The following IL36RN variants were observed in gnomAD, a reference collection of about 807,000 sequenced individuals.
IL36RN encodes the protein interleukin-36 receptor antagonist protein.
IL36RN carries 11 observed loss-of-function variants against 13.0 expected under a neutral mutation model. The ratio of observed to expected loss-of-function variants is 0.85; its 90% CI spans 0.53 to 1.40. The LOEUF is 1.40. Among genes scored for constraint, IL36RN ranks in the 40% most tolerant of loss-of-function variants. The probability of loss-of-function intolerance (pLI) is 0.00; values close to 1 mark genes in which losing one functional copy is unlikely to be tolerated. For missense variants in IL36RN, 195 were observed against 195.3 expected, an observed-to-expected ratio of 1.00 and a Z score of 0.01; for synonymous variants, 94 against 84.1, an observed-to-expected ratio of 1.12 and a Z score of -0.64.
At position 113,063,041 on chromosome 2, in the gene IL36RN, G is replaced by A; in HGVS notation, c.*364G>A. On this transcript the variant is annotated 3_prime_UTR_variant, in exon 5 of 5. Transcript: ENST00000393200. ...AGCCCCGCAGGCCAACCCATCCCCAGTTGAGCCTTATAGGGTCAGTAGCTC... is the reference window on the plus strand; with the variant it reads ...AGCCCCGCAGGCCAACCCATCCCCAATTGAGCCTTATAGGGTCAGTAGCTC... The A allele has an allele frequency of 2.7e-6, 1 of 365,674 alleles. No homozygotes were observed. The highest frequency in any genetic ancestry group is 5.3e-6 in the Non-Finnish European group (1 of 187,774). 22.7% of individuals were successfully genotyped at this position (365,674 alleles called of 1,614,324 possible).
rs1336671324 is a variant in IL36RN, at chr2:113,062,443, C to A, written c.244-10C>A. The A allele has an allele frequency of 1.9e-6, 3 of 1,613,912 alleles. No homozygotes were observed. The Admixed American group carries it at 5.0e-5, about 27-fold the overall frequency. ...CTGCCCTCACCTGACCTCCCCTCCT[C>A]TGCCGGCAGCCAGTGAACATCATGG... On this transcript the variant is annotated splice_polypyrimidine_tract_variant and intron_variant, in intron 4 of 4. Transcript: ENST00000393200.
Position 113,062,794 on chromosome 2 carries a change from T to A in IL36RN, c.*117T>A, listed in dbSNP as rs1377464629. The A allele has an allele frequency of 3.3e-6, 3 of 912,876 alleles. No homozygotes were observed. Among genetic ancestry groups the A allele is most frequent in the Admixed American group, 4.0e-5 (2 of 50,204 alleles). 56.5% of individuals were successfully genotyped at this position (912,876 alleles called of 1,614,324 possible). A position where few individuals can be genotyped will look rare whatever the true frequency, so the allele number is the denominator to read the frequency against. ...CTCAGGACCCCCACGTCTGACTTAG[T>A]GGGCACCTGACCACTTTGTCTTCTG... On this transcript the variant is annotated 3_prime_UTR_variant, in exon 5 of 5. Coordinates refer to ENST00000393200, the MANE Select transcript of IL36RN (RefSeq NM_012275.3).
At chr2:113,060,178 T>C (rs2441376) in intron 2 of IL36RN, among the ~76,000 whole-genome samples, 104,155 of 151,686 alleles carry the variant, frequency 0.69, 36,532 homozygotes, top group East Asian at 0.93. Flanking sequence ...CTTGTTGAAT[T>C]GTATTTAGCC....
chr2:113,062,313 G>A, intron 4 of IL36RN, 62 bp downstream of exon 4: 1 of 1,610,694 alleles, frequency 6.2e-7, no homozygotes, highest in Non-Finnish European at 8.5e-7. Flanking sequence ...CTGAAGCCGG[G>A]CAGCCCACAG....
chr2:113,061,873 G>A (rs6761605), intron 3 of IL36RN, among the ~76,000 whole-genome samples: 11,692 of 152,134 alleles, frequency 0.077, 1,195 homozygotes, highest in African/African-American at 0.22. Flanking sequence ...TCTATTTTGG[G>A]GTGTAGAGGC....
rs1685675175 is a variant in IL36RN at position 113,063,029 on chromosome 2, A to C, written c.*352A>C. ...AGTGTTACCCTGAGCCCCGCAGGCC[A>C]ACCCATCCCCAGTTGAGCCTTATAG... On this transcript the variant is annotated 3_prime_UTR_variant, in exon 5 of 5. Coordinates refer to ENST00000393200, the MANE Select transcript of IL36RN (RefSeq NM_012275.3). 2.7e-6 allele frequency: 1 copy of C among 370,580 alleles called. No homozygotes were observed. The highest frequency in any genetic ancestry group is 5.2e-6 in the Non-Finnish European group (1 of 191,090). The allele number at this position is 370,580 out of a possible 1,614,324, so 23.0% of individuals were successfully genotyped here.
At chr2:113,059,178 T>G, upstream of IL36RN, 1 of 559,824 alleles carries the variant, frequency 1.8e-6, no homozygotes. Flanking sequence ...CTTAAAAGGC[T>G]GAGGCATCCT....
At position 113,062,725 on chromosome 2, in the gene IL36RN, G is replaced by A; in HGVS notation, c.*48G>A. 2.6e-6 allele frequency: 4 copies of A among 1,532,280 alleles called. No individual in the cohort carries two copies. The highest frequency in any genetic ancestry group is 3.6e-6 in the Non-Finnish European group (4 of 1,121,976). The allele number at this position is 1,532,280 out of a possible 1,614,324, so 94.9% of individuals were successfully genotyped here. On this transcript the variant is annotated 3_prime_UTR_variant, in exon 5 of 5. Transcript: ENST00000393200. ...CCTGGGCAGAGCCAGCTCGGGTGAG[G>A]GGTGAGTGGAGGAGACCCATGGCGG...
Position 113,059,407 on chromosome 2 carries a change from A to G in IL36RN, c.-27-5A>G. On this transcript the variant is annotated splice_polypyrimidine_tract_variant and splice_region_variant and intron_variant, in intron 1 of 4. Coordinates refer to ENST00000393200, the MANE Select transcript of IL36RN (RefSeq NM_012275.3). The stretch of plus-strand genomic sequence containing the variant: ...CATGATTTTCTGTTGTTTATTCCAA[A>G]ATAGGGGAGTCTACACCCTGTGGAG... 6.2e-7 allele frequency: 1 copy of G among 1,613,544 alleles called. No homozygotes were observed. The highest frequency in any genetic ancestry group is 1.7e-4 in the Middle Eastern group (1 of 5,888).
At position 113,062,543 on chromosome 2, in the gene IL36RN, G is replaced by A. The variant is rs143724424; in HGVS notation, c.334G>A (p.Glu112Lys). The stretch of plus-strand genomic sequence containing the variant: ...GGACATGGGGCTCACCTCCAGCTTC[G>A]AGTCGGCTGCCTACCCGGGCTGGTT... ...RRDMGLTSSF[E>K]SAAYPGWFLC... Residue 112 changes from glutamate to lysine, a missense_variant, in exon 5 of 5, where the codon GAG becomes AAG. Transcript: ENST00000393200. 16 of 1,613,880 alleles carry A rather than the reference G, an allele frequency of 9.9e-6. No homozygotes were observed. The highest frequency in any genetic ancestry group is 4.0e-5 in the African/African-American group (3 of 74,880).
intron 2 of IL36RN, among the ~76,000 whole-genome samples, 176 bp from the exon 3 acceptor site, chr2:113,060,676 C>G (rs1685623646): frequency 6.6e-6 from 1 of 152,188 alleles, no homozygotes; most frequent in African/African-American, 2.4e-5. Flanking sequence ...TGGGGTCATC[C>G]TCCTTGTAGG....
At position 113,062,981 on chromosome 2, in the gene IL36RN, T is replaced by C; in HGVS notation, c.*304T>C. The C allele has an allele frequency of 2.5e-6, 1 of 405,852 alleles. No homozygotes were observed. The highest frequency in any genetic ancestry group is 4.7e-6 in the Non-Finnish European group (1 of 213,826). The allele number at this position is 405,852 out of a possible 1,614,324, so 25.1% of individuals were successfully genotyped here. On this transcript the variant is annotated 3_prime_UTR_variant, in exon 5 of 5. Transcript: ENST00000393200. ...TGGGGTGGGGGAGTGGTGGGAATCA[T>C]TCCTGCTTAATGGTAACTGACCAGT...
rs747464195 is a variant in IL36RN at position 113,062,625 on chromosome 2, ATGGTGGC to A, written c.420_426del (p.Gly141MetfsTer29). On this transcript the variant is annotated frameshift_variant, in exon 5 of 5. Coordinates refer to ENST00000393200, the MANE Select transcript of IL36RN (RefSeq NM_012275.3). LOFTEE classifies it high-confidence loss of function. Reference sequence around the variant, plus strand: ...GTCAGACTCACCCAGCTTCCCGAGAATGGTGGCTGGAATGCCCCCATCACAGACTTCT... The same window carrying A: ...GTCAGACTCACCCAGCTTCCCGAGAATGGAATGCCCCCATCACAGACTTCT... 1.2e-6 allele frequency: 2 copies of A among 1,613,344 alleles called. No homozygotes were observed. The highest frequency in any genetic ancestry group is 1.7e-5 in the Admixed American group (1 of 60,014).
In IL36RN at chr2:113,063,430, C is replaced by A. The variant is rs932485101; in HGVS notation, c.*753C>A. 1 of 152,042 alleles carries A rather than the reference C, an allele frequency of 6.6e-6. No homozygotes were observed. The highest frequency in any genetic ancestry group is 1.5e-5 in the Non-Finnish European group (1 of 68,064). 9.4% of individuals were successfully genotyped at this position (152,042 alleles called of 1,614,324 possible). A position where few individuals can be genotyped will look rare whatever the true frequency, so the allele number is the denominator to read the frequency against. ...TGCAATTTATTTTAATTAAAAGATA[C>A]CTATTTATATATTTCTTTATAGAAA... On this transcript the variant is annotated 3_prime_UTR_variant, in exon 5 of 5. Transcript: ENST00000393200.
At chr2:113,059,362 G>GGA in intron 1 of IL36RN, 50 bp from the exon 2 acceptor site, 2 of 1,545,882 alleles carry the variant, frequency 1.3e-6, no homozygotes, top group Non-Finnish European at 1.8e-6. Flanking sequence ...CCAGACCCCA[G>GGA]CCAACTCAGC....
At chr2:113,059,262 G>T (rs371204306) in intron 1 of IL36RN, 21 bp downstream of exon 1, 1 of 697,656 alleles carries the variant, frequency 1.4e-6, no homozygotes, top group Middle Eastern at 3.8e-4. Context: ...GGGCGCTGGT[G>T]GTACCGGAGC....
In IL36RN at chr2:113,062,948, TGTGGAGGTGGG is replaced by T; in HGVS notation, c.*276_*286del. 3 of 474,828 alleles carry T rather than the reference TGTGGAGGTGGG, an allele frequency of 6.3e-6. No individual in the cohort carries two copies. Among genetic ancestry groups the T allele is most frequent in the South Asian group, 6.1e-5 (3 of 48,898 alleles). The allele number at this position is 474,828 out of a possible 1,614,324, so 29.4% of individuals were successfully genotyped here. ...ACTGGGAATAACATGAAAAGATTTC[TGTGGAGGTGGG>T]GTGGGGGAGTGGTGGGAATCATTCC... On this transcript the variant is annotated 3_prime_UTR_variant, in exon 5 of 5. Transcript: ENST00000393200.
chr2:113,058,907 G>A (rs557947183), upstream of IL36RN, among the ~76,000 whole-genome samples: 45 of 152,144 alleles, frequency 3.0e-4, no homozygotes, highest in South Asian at 7.5e-3. Flanking sequence ...AGAAAGTCGC[G>A]CTTCCCTTGA....
rs1685588497 is a variant in IL36RN at position 113,059,214 on chromosome 2, T to C, written c.-55T>C. On this transcript the variant is annotated 5_prime_UTR_variant, in exon 1 of 5. Transcript: ENST00000393200. ...TGGAGGAACAGGCAGACTCCACAGC[T>C]CCCGCCAGGAGAAAGGAACATTCTG... 1 of 612,272 alleles carries C rather than the reference T, an allele frequency of 1.6e-6. No individual in the cohort carries two copies. The highest frequency in any genetic ancestry group is 2.5e-5 in the Admixed American group (1 of 40,800). The allele number at this position is 612,272 out of a possible 1,614,324, so 37.9% of individuals were successfully genotyped here.
Sources: gnomAD v4.1 joint callset for allele counts (sites outside exome capture counted in the v4.1 genomes callset) on GRCh38, gnomAD v4.1.1 for gene constraint, MANE v1.5 for transcripts, NCBI Gene and HGNC (gene_info 2026-07-23, HGNC 2026-07-21) for gene names.